The following THSD7B variants were observed in gnomAD, a reference collection of about 807,000 sequenced individuals.
The protein encoded by THSD7B is thrombospondin type 1 domain containing 7B, also known as thrombospondin type-1 domain-containing protein 7B.
THSD7B carries 138 observed loss-of-function variants against 213.6 expected under a neutral mutation model. The ratio of observed to expected loss-of-function variants is 0.65; its 90% CI spans 0.56 to 0.74. The LOEUF is 0.74. Among genes scored for constraint, THSD7B ranks in the 30% least tolerant of loss-of-function variants. The pLI, the probability that THSD7B is intolerant of heterozygous loss-of-function variation, is 0.00. For synonymous variants in THSD7B, 742 were observed against 687.0 expected, an observed-to-expected ratio of 1.08 and a Z score of -1.25; for missense variants, 1,931 against 1,991.5, an observed-to-expected ratio of 0.97 and a Z score of 0.58.
At chr2:137,606,943 T>G (rs966958575) in intron 17 of THSD7B, among the ~76,000 whole-genome samples, 3 of 152,084 alleles carry the variant, frequency 2.0e-5, no homozygotes, top group Non-Finnish European at 2.9e-5. Flanking sequence ...TAAATATGAA[T>G]AAGGCTTGCT....
intron 2 of THSD7B, among the ~76,000 whole-genome samples, chr2:136,965,593 AT>A (rs144795582): frequency 0.013 from 1,960 of 152,182 alleles, 58 homozygotes; most frequent in African/African-American, 0.044. Flanking sequence ...ATGACTTTTT[AT>A]TTGTCAATGG....
intron 15 of THSD7B, among the ~76,000 whole-genome samples, chr2:137,456,991 A>G (rs187213196): frequency 2.6e-5 from 4 of 152,256 alleles, no homozygotes; most frequent in Admixed American, 6.5e-5. Flanking sequence ...GTGGCATTGC[A>G]CTAATTGAGC....
intron 17 of THSD7B, among the ~76,000 whole-genome samples, chr2:137,614,555 G>A (rs1485548480): frequency 6.6e-6 from 1 of 152,056 alleles, no homozygotes; most frequent in Non-Finnish European, 1.5e-5. Context: ...CAAATCATTT[G>A]TTATTATTCT....
rs538292200 is a variant in THSD7B at position 136,949,461 on chromosome 2, G to A, written c.139+67144G>A. Among the ~76,000 whole-genome samples, 7 of 152,286 alleles carry A rather than the reference G, an allele frequency of 4.6e-5. No homozygotes were observed. The South Asian group carries it at 1.0e-3, about 23-fold the overall frequency. On this transcript the variant is annotated intron_variant, in intron 2 of 27. Coordinates refer to ENST00000409968, the MANE Select transcript of THSD7B (RefSeq NM_001316349.2). ...ACTTGTTTGAAGCCACTGAAATTTC[G>A]GAGGGTTGTTTGTTGCCACTGCGTA...
chr2:137,313,837 C>T (rs570755936), intron 12 of THSD7B, among the ~76,000 whole-genome samples: 56 of 152,248 alleles, frequency 3.7e-4, no homozygotes, highest in Middle Eastern at 3.4e-3. Context: ...TATTGGCCCC[C>T]GCTCTCTTCT....
rs117455007 is a variant in THSD7B, at chr2:137,055,090, G to T, written c.140-1330G>T. 3.5e-3 allele frequency among the ~76,000 whole-genome samples: 526 copies of T among 152,206 alleles called. 8 individuals are homozygous for T. In the East Asian group the frequency reaches 0.043, roughly 12 times the overall value. ...GATGATGGTTTCCAGCTTCATCCAC[G>T]TCCCTGTGAAGGACATGAACTCATT... is the stretch of plus-strand genomic sequence containing the variant. On this transcript the variant is annotated intron_variant, in intron 2 of 27. Coordinates refer to ENST00000409968, the MANE Select transcript of THSD7B (RefSeq NM_001316349.2).
At chr2:137,074,746 G>A (rs557759566) in intron 3 of THSD7B, among the ~76,000 whole-genome samples, 1 of 152,100 alleles carries the variant, frequency 6.6e-6, no homozygotes, top group Non-Finnish European at 1.5e-5. Context: ...TCCATGTTTA[G>A]TGCTTCCTTC....
intron 12 of THSD7B, among the ~76,000 whole-genome samples, chr2:137,337,529 G>T (rs181519959): frequency 3.3e-5 from 5 of 151,942 alleles, no homozygotes; most frequent in African/African-American, 1.2e-4. Context: ...TTTCTCCACC[G>T]TTAAGTGACA....
At chr2:136,813,647 T>C (rs1234681634) in intron 1 of THSD7B, among the ~76,000 whole-genome samples, 2 of 152,218 alleles carry the variant, frequency 1.3e-5, no homozygotes, top group African/African-American at 2.4e-5. Flanking sequence ...CTATCATTTT[T>C]TTTTTCCAGT....
chr2:137,526,416 G>C (rs1213867986), intron 15 of THSD7B, among the ~76,000 whole-genome samples: 1 of 151,506 alleles, frequency 6.6e-6, no homozygotes, highest in Non-Finnish European at 1.5e-5. Flanking sequence ...TGTTGTTGTT[G>C]TTGTTGTTTG....
intron 5 of THSD7B, among the ~76,000 whole-genome samples, chr2:137,134,967 G>A (rs921651819): frequency 6.6e-6 from 1 of 152,128 alleles, no homozygotes; most frequent in Non-Finnish European, 1.5e-5. Context: ...CTAGCTATGT[G>A]ACCTTGACTA....
At chr2:137,663,254 A>G in intron 25 of THSD7B, 129 bp from the exon 26 acceptor site, 1 of 630,700 alleles carries the variant, frequency 1.6e-6, no homozygotes, top group Admixed American at 4.1e-5. Flanking sequence ...GTCACTGGTA[A>G]GTCAGTTGCC....
At chr2:137,199,867 A>T (rs1680841664) in intron 7 of THSD7B, among the ~76,000 whole-genome samples, 2 of 152,194 alleles carry the variant, frequency 1.3e-5, no homozygotes, top group Admixed American at 1.3e-4. Flanking sequence ...AGCTGAAGAT[A>T]GTGTAAAATA....
intron 10 of THSD7B, among the ~76,000 whole-genome samples, chr2:137,270,611 A>G (rs552387852): frequency 1.3e-5 from 2 of 152,280 alleles, no homozygotes; most frequent in Admixed American, 6.5e-5. Flanking sequence ...GAAATTGATG[A>G]CACGACATTG....
chr2:137,111,832 G>A (rs927930693), intron 4 of THSD7B, among the ~76,000 whole-genome samples: 5 of 152,128 alleles, frequency 3.3e-5, no homozygotes, highest in African/African-American at 4.8e-5. Flanking sequence ...CTCTACTTGA[G>A]GCATTTCCAT....
chr2:137,105,136 T>C (rs1055614089), intron 4 of THSD7B, among the ~76,000 whole-genome samples: 1 of 152,064 alleles, frequency 6.6e-6, no homozygotes, highest in Admixed American at 6.6e-5. Flanking sequence ...ATATACCTGA[T>C]ATATTGATGT....
intron 5 of THSD7B, among the ~76,000 whole-genome samples, chr2:137,146,210 C>T (rs1185887104): frequency 1.3e-5 from 2 of 152,028 alleles, no homozygotes; most frequent in African/African-American, 4.8e-5. Context: ...AAAGTATTAT[C>T]TTTAATACAA....
chr2:137,203,221 C>T (rs1414989857), intron 7 of THSD7B, among the ~76,000 whole-genome samples: 1 of 151,778 alleles, frequency 6.6e-6, no homozygotes, highest in African/African-American at 2.4e-5. Context: ...TAATAATTTC[C>T]TAGTTTTATT....
chr2:137,314,996 A>G (rs1484891460), intron 12 of THSD7B, among the ~76,000 whole-genome samples: 1 of 152,236 alleles, frequency 6.6e-6, no homozygotes, highest in Non-Finnish European at 1.5e-5. Context: ...TGGAGCCTAC[A>G]GAGGCAGGCA....
Sources: allele counts gnomAD v4.1 joint callset (sites outside exome capture counted in the v4.1 genomes callset), GRCh38; gene constraint gnomAD v4.1.1; transcripts MANE v1.5; gene names NCBI Gene and HGNC (gene_info 2026-07-23, HGNC 2026-07-21).